The following FANCA variants were observed in gnomAD, a reference collection of about 807,000 sequenced individuals.
FANCA encodes FA complementation group A.
FANCA carries 236 observed loss-of-function variants against 194.3 expected under a neutral mutation model. The observed-to-expected ratio is 1.21, with a 90% CI of 1.09 to 1.35. The LOEUF is 1.35. Among genes scored for constraint, FANCA ranks in the 40% most tolerant of loss-of-function variants. The pLI is 0.00. For missense variants in FANCA, 2,628 were observed against 1,813.9 expected, an observed-to-expected ratio of 1.45 and a Z score of -8.15; for synonymous variants, 1,014 against 715.8, an observed-to-expected ratio of 1.42 and a Z score of -6.65.
chr16:89,772,749 G>A (rs2039366593), intron 22 of FANCA, among the ~76,000 whole-genome samples: 1 of 151,808 alleles, frequency 6.6e-6, no homozygotes, highest in Non-Finnish European at 1.5e-5. Context: ...AACCCAGGAG[G>A]CGGAGGTTGC....
At position 89,758,579 on chromosome 16, in the gene FANCA, TTG is replaced by T; in HGVS notation, c.2977_2978del (p.Gln993LysfsTer6). On this transcript the variant is annotated frameshift_variant, in exon 30 of 43. Coordinates refer to ENST00000389301, the MANE Select transcript of FANCA (RefSeq NM_000135.4). LOFTEE classifies it high-confidence loss of function. ...CTAATACAGTGTGTGCTGCTAACCT[TTG>T]GTGGAAATCCATCAGTGCGTTGACA... Reference protein sequence around the residue: ...ILVNALMDFHQSSRSYDHSEN... With the variant: ...ILVNALMDFHXSSRSYDHSEN... 6.2e-7 allele frequency: 1 copy of T among 1,613,526 alleles called. No homozygotes were observed. Among genetic ancestry groups the T allele is most frequent in the Non-Finnish European group, 8.5e-7 (1 of 1,179,578 alleles).
chr16:89,781,319 G>A (rs2039693412), intron 17 of FANCA, among the ~76,000 whole-genome samples: 1 of 137,368 alleles, frequency 7.3e-6, no homozygotes, highest in Admixed American at 7.9e-5. Flanking sequence ...AGCTGAGACT[G>A]CGCCACTGCA....
At chr16:89,764,323 G>C (rs559919797) in intron 28 of FANCA, among the ~76,000 whole-genome samples, 44 of 152,226 alleles carry the variant, frequency 2.9e-4, no homozygotes, top group Non-Finnish European at 5.1e-4. Context: ...ATATTTTTTT[G>C]AGACAGGGTC....
intron 26 of FANCA, among the ~76,000 whole-genome samples, chr16:89,767,634 C>A (rs950372956): frequency 6.6e-6 from 1 of 151,920 alleles, no homozygotes; most frequent in Non-Finnish European, 1.5e-5. Context: ...CTGCACCCTC[C>A]ACCTCCCAGG....
In FANCA at chr16:89,783,629, T is replaced by A. The variant is rs1351041702; in HGVS notation, c.1471-527A>T. 2.6e-5 allele frequency among the ~76,000 whole-genome samples: 4 copies of A among 151,700 alleles called. No homozygotes were observed. The East Asian group carries it at 7.7e-4, about 29-fold the overall frequency. ...AAAAATCAAGAAACCCTAATGTAGC[T>A]GGTCCTGCAAGTCCAGGGCGGCTCA... On this transcript the variant is annotated intron_variant, in intron 15 of 42. Transcript: ENST00000389301.
At chr16:89,746,722 T>C (rs200576045) in intron 34 of FANCA, 34 bp from the exon 35 acceptor site, 9 of 1,607,992 alleles carry the variant, frequency 5.6e-6, no homozygotes, top group Admixed American at 3.3e-5. Context: ...GGTCAGCGGT[T>C]TGTGAGGACC....
In FANCA at chr16:89,770,457, A is replaced by G. The variant is rs886951; in HGVS notation, c.2222+107T>C. On this transcript the variant is annotated intron_variant, in intron 24 of 42. Transcript: ENST00000389301. The stretch of plus-strand genomic sequence containing the variant: ...ATTTGATGAAACTCAGCATCGCCGC[A>G]TGCTCCTGCGGAGACGAGCTCATGA... 0.47 allele frequency: 536,621 copies of G among 1,151,518 alleles called. 136,540 individuals are homozygous for G. The highest frequency in any genetic ancestry group is 0.98 in the East Asian group (38,300 of 39,080). The allele number at this position is 1,151,518 out of a possible 1,614,324, so 71.3% of individuals were successfully genotyped here.
At chr16:89,798,831 G>C (rs1007008435) in intron 10 of FANCA, 28 of 1,487,012 alleles carry the variant, frequency 1.9e-5, no homozygotes, top group Non-Finnish European at 2.4e-5. Context: ...TCTAGAGCCT[G>C]AATCACACCC....
chr16:89,755,563 A>G (rs965723706), intron 30 of FANCA, among the ~76,000 whole-genome samples: 2 of 152,250 alleles, frequency 1.3e-5, no homozygotes, highest in African/African-American at 4.8e-5. Context: ...AACTAAAAAT[A>G]AATGATCTGG....
chr16:89,813,812 G>T (rs904965831), intron 3 of FANCA, among the ~76,000 whole-genome samples: 3 of 151,326 alleles, frequency 2.0e-5, no homozygotes, highest in Admixed American at 2.0e-4. Context: ...TTTACTGTGT[G>T]TGTGTGTGTG....
rs761934553 is a variant in FANCA, at chr16:89,778,955, G to C, written c.1764C>G (p.Leu588=). The C allele has an allele frequency of 1.9e-6, 3 of 1,614,032 alleles. No individual in the cohort carries two copies. The highest frequency in any genetic ancestry group is 1.3e-5 in the African/African-American group (1 of 74,934). ...YYVSHFLPAL[L]TPRVLPKVPD... ...GACGCATACTGACCACTCGAGGTGT[G>C]AGCAGGGCGGGGAGGAAGTGGGACA... Residue 588 remains leucine, a synonymous_variant, in exon 19 of 43, where the codon CTC becomes CTG. Coordinates refer to ENST00000389301, the MANE Select transcript of FANCA (RefSeq NM_000135.4).
chr16:89,745,208 C>T (rs533657173), intron 35 of FANCA, 137 bp from the exon 36 acceptor site: 2 of 805,954 alleles, frequency 2.5e-6, no homozygotes, highest in Non-Finnish European at 4.1e-6. Flanking sequence ...AACTCCAAAG[C>T]CAGTATTTTT....
At chr16:89,813,213 G>A (rs776241954) in intron 3 of FANCA, among the ~76,000 whole-genome samples, 6 of 151,748 alleles carry the variant, frequency 4.0e-5, no homozygotes, top group Non-Finnish European at 1.5e-5. Flanking sequence ...TCAGGAGTTT[G>A]AGACCAGCCT....
chr16:89,737,933 G>A lies in FANCA; in HGVS notation c.*668C>T. On this transcript the variant is annotated 3_prime_UTR_variant, in exon 43 of 43. Transcript: ENST00000389301. ...AAGTGTGAGTCAGGACCCCCTCCCAGGGCTGTGGCCCTCGCACCTTCTTAT... is the reference window on the plus strand; with the variant it reads ...AAGTGTGAGTCAGGACCCCCTCCCAAGGCTGTGGCCCTCGCACCTTCTTAT... 1 of 1,613,992 alleles carries A rather than the reference G, an allele frequency of 6.2e-7. No homozygotes were observed.
intron 28 of FANCA, chr16:89,762,692 G>C: frequency 2.3e-6 from 1 of 429,538 alleles, no homozygotes; most frequent in Non-Finnish European, 4.7e-6. Flanking sequence ...GTGTGCAGTG[G>C]TGCAATCGTA....
intron 11 of FANCA, among the ~76,000 whole-genome samples, chr16:89,794,061 T>C (rs1428382860): frequency 6.8e-6 from 1 of 147,568 alleles, no homozygotes; most frequent in African/African-American, 2.5e-5. Flanking sequence ...AAAAGTTGTG[T>C]TTCAAAGCTT....
chr16:89,740,937 C>A (rs931225013), intron 37 of FANCA, 71 bp from the exon 38 acceptor site: 33 of 1,369,702 alleles, frequency 2.4e-5, no homozygotes, highest in Non-Finnish European at 2.9e-5. Flanking sequence ...AAGGCTGACA[C>A]ATTCCTCTTT....
chr16:89,814,229 C>A (rs1199520528), intron 3 of FANCA, among the ~76,000 whole-genome samples: 1 of 152,208 alleles, frequency 6.6e-6, no homozygotes, highest in African/African-American at 2.4e-5. Flanking sequence ...TCACTACTTC[C>A]ATGAGCAAGG....
chr16:89,816,147 G>A (rs779793035), intron 1 of FANCA, 161 bp from the exon 2 acceptor site: 11 of 682,684 alleles, frequency 1.6e-5, no homozygotes, highest in Non-Finnish European at 2.7e-5. Context: ...AACTAACGGA[G>A]ACGGCCCCAC....
Sources: allele counts gnomAD v4.1 joint callset (sites outside exome capture counted in the v4.1 genomes callset), GRCh38; gene constraint gnomAD v4.1.1; transcripts MANE v1.5; gene names NCBI Gene and HGNC (gene_info 2026-07-23, HGNC 2026-07-21).